Variants in USP34 observed in about 807,000 individuals in gnomAD.
USP34 encodes the protein ubiquitin specific peptidase 34.
In USP34, 70 loss-of-function variants were observed where a neutral mutation model predicts 460.3. That is an observed-to-expected ratio of 0.15 (90% CI 0.13 to 0.19). The LOEUF is 0.19. Ranked by LOEUF, USP34 falls within the 10% of genes least tolerant of loss-of-function variation. USP34 has a pLI of 1.00. For missense variants in USP34, 3,985 were observed against 4,236.2 expected, an observed-to-expected ratio of 0.94 and a Z score of 1.65; for synonymous variants, 1,647 against 1,405.3, an observed-to-expected ratio of 1.17 and a Z score of -3.85.
At position 61,221,502 on chromosome 2, in the gene USP34, C is replaced by G. The variant is rs774509710; in HGVS notation, c.7899G>C (p.Glu2633Asp). The G allele has an allele frequency of 1.2e-6, 2 of 1,609,618 alleles. No individual in the cohort carries two copies. The highest frequency in any genetic ancestry group is 1.7e-5 in the Admixed American group (1 of 59,212). Residue 2633 changes from glutamate to aspartate, a missense_variant and splice_region_variant, in exon 66 of 80, where the codon GAG becomes GAC. By Grantham distance (45) the Glu-to-Asp change is conservative (BLOSUM62 2). Around this residue, in one of 14 missense-constraint regions of USP34, gnomAD observed 604 missense variants for 684.8 expected, o/e 0.88. Coordinates refer to ENST00000398571, the MANE Select transcript of USP34 (RefSeq NM_014709.4). Reference protein sequence around the residue: ...FASYILQRIWEVIEYNPSQCL... With the variant: ...FASYILQRIWDVIEYNPSQCL... The stretch of plus-strand genomic sequence containing the variant: ...TGAAAACACCTGCTGCAAGACTTAC[C>G]TCCCATATCCTCTGCAGAATATAAG...
intron 27 of USP34, among the ~76,000 whole-genome samples, chr2:61,305,946 T>C (rs1039359764): frequency 6.6e-6 from 1 of 152,206 alleles, no homozygotes; most frequent in African/African-American, 2.4e-5. Context: ...GTTTTTTTCT[T>C]GTAAATTTGA....
chr2:61,188,302 C>G lies in USP34; in HGVS notation c.10441G>C (p.Ala3481Pro). 1.2e-6 allele frequency: 2 copies of G among 1,613,758 alleles called. No individual in the cohort carries two copies. Among genetic ancestry groups the G allele is most frequent in the Non-Finnish European group, 1.7e-6 (2 of 1,180,026 alleles). ...TGGCCATCACAGCTTCTCAAGTCAG[C>G]TAAGTCAGACAGAACTGCAGAGATA... Reference protein sequence around the residue: ...TSISAVLSDLADLRSCDGQAL... With the variant: ...TSISAVLSDLPDLRSCDGQAL... Residue 3481 changes from alanine to proline, a missense_variant, in exon 80 of 80, where the codon GCT (alanine) becomes CCT (proline). By Grantham distance (27) the Ala-to-Pro change is conservative. Coordinates refer to ENST00000398571, the MANE Select transcript of USP34 (RefSeq NM_014709.4).
At chr2:61,349,817 G>T (rs961892720) in intron 12 of USP34, among the ~76,000 whole-genome samples, 2 of 151,112 alleles carry the variant, frequency 1.3e-5, no homozygotes, top group African/African-American at 4.9e-5. Context: ...CTCCAGCTTG[G>T]GTGACAGACC....
At chr2:61,209,759 G>A (rs1441309943) in intron 69 of USP34, among the ~76,000 whole-genome samples, 3 of 152,126 alleles carry the variant, frequency 2.0e-5, no homozygotes, top group Non-Finnish European at 2.9e-5. Flanking sequence ...CCTACAGGAG[G>A]GATTCCAGAA....
intron 10 of USP34, among the ~76,000 whole-genome samples, chr2:61,357,659 G>GAGAGGC (rs1225932140): frequency 2.0e-5 from 3 of 152,176 alleles, no homozygotes; most frequent in African/African-American, 7.2e-5. Flanking sequence ...CTCTCACTTT[G>GAGAGGC]AGAGGCCAAG....
chr2:61,350,732 G>A (rs745782488), intron 10 of USP34, 39 bp from the exon 11 acceptor site: 126 of 1,592,322 alleles, frequency 7.9e-5, no homozygotes, highest in Non-Finnish European at 1.0e-4. Context: ...AAAAATAATT[G>A]CCCAATACAT....
intron 43 of USP34, 195 bp downstream of exon 43, chr2:61,265,202 C>T: frequency 1.7e-6 from 1 of 585,266 alleles, no homozygotes; most frequent in South Asian, 2.4e-5. Flanking sequence ...GAGAACTAAA[C>T]TGTACTACAG....
chr2:61,451,219 T>TAA (rs1695264017), intron 1 of USP34, among the ~76,000 whole-genome samples: 1 of 16,726 alleles, frequency 6.0e-5, no homozygotes, highest in Non-Finnish European at 1.1e-4. Context: ...AGGCTTCATC[T>TAA]CAAAAAAAAA....
At chr2:61,201,505 G>C (rs923694718) in intron 75 of USP34, among the ~76,000 whole-genome samples, 1 of 152,088 alleles carries the variant, frequency 6.6e-6, no homozygotes, top group Non-Finnish European at 1.5e-5. Context: ...GAGCCACCAC[G>C]TCCGGCCCTT....
At chr2:61,454,925 T>C (rs913890929) in intron 1 of USP34, among the ~76,000 whole-genome samples, 1 of 139,778 alleles carries the variant, frequency 7.2e-6, no homozygotes, top group Non-Finnish European at 1.5e-5. Context: ...TCGCCCAGAC[T>C]GGATGGAGTG....
chr2:61,338,789 T>C (rs983675396), intron 18 of USP34, among the ~76,000 whole-genome samples: 34 of 152,204 alleles, frequency 2.2e-4, no homozygotes, highest in Admixed American at 8.5e-4. Flanking sequence ...AAAACACTAA[T>C]CTGTTTAAAA....
chr2:61,262,610 A>T (rs1271480202), intron 43 of USP34, among the ~76,000 whole-genome samples: 1 of 151,960 alleles, frequency 6.6e-6, no homozygotes, highest in Non-Finnish European at 1.5e-5. Context: ...GGTTGATTCC[A>T]TGTTTTTGCT....
At chr2:61,381,925 C>T (rs1347298680) in intron 6 of USP34, among the ~76,000 whole-genome samples, 2 of 152,126 alleles carry the variant, frequency 1.3e-5, no homozygotes, top group Non-Finnish European at 2.9e-5. Flanking sequence ...GTAATGATAT[C>T]CACAGTACAA....
At chr2:61,265,618 T>C (rs761178552) in intron 42 of USP34, 61 bp from the exon 43 acceptor site, 141 of 1,517,450 alleles carry the variant, frequency 9.3e-5, no homozygotes, top group Non-Finnish European at 1.2e-4. Flanking sequence ...ACAATGTATT[T>C]TGCTTACATT....
rs767388511 is a variant in USP34 at position 61,333,995 on chromosome 2, A to G, written c.2745-24T>C. On this transcript the variant is annotated intron_variant, in intron 18 of 79. Transcript: ENST00000398571. ...ATCTGAAACAGCAGAAACATTCACA[A>G]AATAATTTTAGTAATTCTTTTTATA... 2.0e-6 allele frequency: 3 copies of G among 1,488,448 alleles called. No homozygotes were observed. In the South Asian group the frequency reaches 3.9e-5, roughly 19 times the overall value. 92.2% of individuals were successfully genotyped at this position (1,488,448 alleles called of 1,614,324 possible). A position where few individuals can be genotyped will look rare whatever the true frequency, so the allele number is the denominator to read the frequency against.
intron 8 of USP34, among the ~76,000 whole-genome samples, chr2:61,371,277 T>C (rs1692615564): frequency 6.6e-6 from 1 of 152,172 alleles, no homozygotes; most frequent in South Asian, 2.1e-4. Flanking sequence ...CTGCCAGTCA[T>C]ATAAAAGTAT....
intron 1 of USP34, among the ~76,000 whole-genome samples, chr2:61,444,470 G>T (rs1167881195): frequency 6.6e-6 from 1 of 152,030 alleles, no homozygotes; most frequent in Non-Finnish European, 1.5e-5. Flanking sequence ...AGATCAAAAG[G>T]TGATGAAAGA....
chr2:61,276,030 C>G (rs985310488), intron 41 of USP34, among the ~76,000 whole-genome samples: 2 of 152,050 alleles, frequency 1.3e-5, no homozygotes, highest in African/African-American at 4.8e-5. Flanking sequence ...GAATGGGAAA[C>G]CATATACTGA....
rs1057095831 is a variant in USP34 at position 61,194,293 on chromosome 2, C to T, written c.9509-1313G>A. 4.1e-6 allele frequency: 4 copies of T among 985,412 alleles called. No individual in the cohort carries two copies. The Admixed American group carries it at 1.8e-4, about 45-fold the overall frequency. The allele number at this position is 985,412 out of a possible 1,614,324, so 61.0% of individuals were successfully genotyped here. A position where few individuals can be genotyped will look rare whatever the true frequency, so the allele number is the denominator to read the frequency against. On this transcript the variant is annotated intron_variant, in intron 75 of 79. Coordinates refer to ENST00000398571, the MANE Select transcript of USP34 (RefSeq NM_014709.4). ...CTAACCTAATCTGGTTGGTGTTTGG[C>T]AGCATATACCCACCACGGTATCACC...
Sources: allele counts gnomAD v4.1 joint callset (sites outside exome capture counted in the v4.1 genomes callset), GRCh38; gene constraint gnomAD v4.1.1; regional missense constraint gnomAD v4.1.1; transcripts MANE v1.5; gene names NCBI Gene and HGNC (gene_info 2026-07-23, HGNC 2026-07-21).